FOXN3: variants seen among roughly 807,000 people sequenced by gnomAD.
FOXN3 encodes the protein forkhead box protein N3.
In FOXN3, 7 loss-of-function variants were observed where a neutral mutation model predicts 38.4. The observed-to-expected ratio is 0.18, with a 90% CI of 0.10 to 0.34. The LOEUF is 0.34. FOXN3 is among the 10% of genes least tolerant of loss of function. The pLI is 1.00. For synonymous variants in FOXN3, 230 were observed against 242.2 expected (o/e 0.95, Z 0.47); for missense variants, 456 against 613.4 (o/e 0.74, Z 2.71).
At chr14:89,220,639 C>A (rs1340760074) in intron 4 of FOXN3, among the ~76,000 whole-genome samples, 1 of 152,138 alleles carries the variant, frequency 6.6e-6, no homozygotes, top group Non-Finnish European at 1.5e-5. Context: ...GTGGCCATGA[C>A]TGTGGTAAAG....
chr14:89,445,719 G>A (rs1465934954), intron 1 of FOXN3, among the ~76,000 whole-genome samples: 1 of 152,036 alleles, frequency 6.6e-6, no homozygotes. Flanking sequence ...AGGCCACAGA[G>A]GTCTCTCCCA....
intron 3 of FOXN3, among the ~76,000 whole-genome samples, chr14:89,287,436 G>A (rs907596236): frequency 1.3e-5 from 2 of 152,104 alleles, no homozygotes; most frequent in African/African-American, 4.8e-5. Context: ...ACAGGTGTGA[G>A]CCACGCCCAG....
intron 1 of FOXN3, among the ~76,000 whole-genome samples, chr14:89,459,109 A>G (rs1467742090): frequency 6.6e-6 from 1 of 152,178 alleles, no homozygotes; most frequent in African/African-American, 2.4e-5. Context: ...AAACGTGCAG[A>G]GTGAATCCTT....
intron 3 of FOXN3, among the ~76,000 whole-genome samples, chr14:89,313,107 GA>G (rs1382680108): frequency 6.6e-6 from 1 of 152,154 alleles, no homozygotes; most frequent in Non-Finnish European, 1.5e-5. Context: ...CAACTGTTAG[GA>G]TTTTTATTAC....
chr14:89,589,636 C>A (rs1318107535), intron 1 of FOXN3, among the ~76,000 whole-genome samples: 1 of 147,068 alleles, frequency 6.8e-6, no homozygotes, highest in Non-Finnish European at 1.5e-5. Context: ...GTGAAGGCAG[C>A]CCAGGACTGG....
At chr14:89,305,139 ACGGAT>A (rs1052155102) in intron 3 of FOXN3, among the ~76,000 whole-genome samples, 1 of 151,814 alleles carries the variant, frequency 6.6e-6, no homozygotes, top group Non-Finnish European at 1.5e-5. Flanking sequence ...CAGCACCAGG[ACGGAT>A]CACACAGGCC....
At chr14:89,416,488 A>G (rs932565222) in intron 1 of FOXN3, among the ~76,000 whole-genome samples, 7 of 152,168 alleles carry the variant, frequency 4.6e-5, no homozygotes, top group Admixed American at 3.3e-4. Flanking sequence ...CCAAGTCTGC[A>G]CAGTTTGGCC....
At chr14:89,451,887 C>A (rs7147927) in intron 1 of FOXN3, among the ~76,000 whole-genome samples, 1 of 151,772 alleles carries the variant, frequency 6.6e-6, no homozygotes, top group Non-Finnish European at 1.5e-5. Flanking sequence ...GGAATCATAC[C>A]GACCCCAGAG....
intron 1 of FOXN3, among the ~76,000 whole-genome samples, chr14:89,501,110 T>C (rs1426937721): frequency 6.6e-6 from 1 of 152,106 alleles, no homozygotes; most frequent in African/African-American, 2.4e-5. Flanking sequence ...ATCGAGGAAG[T>C]GGTAAGATGT....
intron 4 of FOXN3, among the ~76,000 whole-genome samples, chr14:89,193,148 G>A (rs1235250514): frequency 6.6e-6 from 1 of 152,020 alleles, no homozygotes; most frequent in Non-Finnish European, 1.5e-5. Flanking sequence ...AAGTGCTACA[G>A]GTGACCATGG....
At chr14:89,320,262 T>C (rs906374811) in intron 3 of FOXN3, among the ~76,000 whole-genome samples, 2 of 152,184 alleles carry the variant, frequency 1.3e-5, no homozygotes, top group African/African-American at 4.8e-5. Flanking sequence ...AGGGCAAAAT[T>C]CAGTGTCCTC....
chr14:89,423,974 A>T (rs538478723), intron 1 of FOXN3, among the ~76,000 whole-genome samples: 3 of 152,252 alleles, frequency 2.0e-5, no homozygotes, highest in Non-Finnish European at 4.4e-5. Flanking sequence ...CCAGCCTATT[A>T]GATTCAGCAG....
chr14:89,607,324 C>T (rs1461095584), intron 1 of FOXN3, among the ~76,000 whole-genome samples: 1 of 151,968 alleles, frequency 6.6e-6, no homozygotes, highest in Non-Finnish European at 1.5e-5. Context: ...TTTGGGAGGC[C>T]GAGGCAGGCG....
intron 3 of FOXN3, among the ~76,000 whole-genome samples, chr14:89,304,104 T>A (rs1887301899): frequency 6.6e-6 from 1 of 152,218 alleles, no homozygotes. Context: ...ACATGCAAAC[T>A]TGAACAGAAC....
At chr14:89,394,973 T>C (rs143189909) in intron 2 of FOXN3, among the ~76,000 whole-genome samples, 225 of 152,334 alleles carry the variant, frequency 1.5e-3, no homozygotes, top group African/African-American at 5.2e-3. Flanking sequence ...TTTTCTGCTA[T>C]GGAAAGGCTC....
At chr14:89,468,205 G>A (rs554212413) in intron 1 of FOXN3, among the ~76,000 whole-genome samples, 1 of 151,950 alleles carries the variant, frequency 6.6e-6, no homozygotes. Flanking sequence ...TGTAATCTCA[G>A]CACTTTGGGA....
chr14:89,565,159 C>G (rs1048235058), intron 1 of FOXN3, among the ~76,000 whole-genome samples: 1 of 150,906 alleles, frequency 6.6e-6, no homozygotes, highest in Non-Finnish European at 1.5e-5. Flanking sequence ...GAGAACACCC[C>G]GTGATGATGG....
chr14:89,564,918 C>A (rs751444292), intron 1 of FOXN3, among the ~76,000 whole-genome samples: 30 of 151,810 alleles, frequency 2.0e-4, no homozygotes, highest in South Asian at 8.4e-4. Flanking sequence ...CATGACAAGA[C>A]CCCCTGTCTC....
chr14:89,253,362 G>A (rs568786903), intron 4 of FOXN3, among the ~76,000 whole-genome samples: 7 of 152,276 alleles, frequency 4.6e-5, no homozygotes, highest in East Asian at 1.9e-4. Context: ...GGGCCAGCAC[G>A]TCTTTGCATG....
Sources: allele counts gnomAD v4.1 joint callset (sites outside exome capture counted in the v4.1 genomes callset), GRCh38; gene constraint gnomAD v4.1.1; transcripts MANE v1.5; gene names NCBI Gene and HGNC (gene_info 2026-07-23, HGNC 2026-07-21).